Variants in POLR3G observed in about 807,000 individuals in gnomAD.
POLR3G encodes DNA-directed RNA polymerase III subunit RPC7.
POLR3G carries 28 observed loss-of-function variants against 30.1 expected under a neutral mutation model. The ratio of observed to expected loss-of-function variants is 0.93; its 90% CI spans 0.69 to 1.27. The LOEUF (loss-of-function observed/expected upper bound fraction) is 1.27. Ranked by LOEUF, POLR3G falls within the 50% of genes most tolerant of loss-of-function variation. POLR3G has a pLI of 0.00. For synonymous variants in POLR3G, 79 were observed against 82.5 expected (o/e 0.96, Z 0.23); for missense variants, 254 against 264.6 (o/e 0.96, Z 0.28).
chr5:90,474,654 G>C (rs1385472436), upstream of POLR3G: 1 of 299,742 alleles, frequency 3.3e-6, no homozygotes, highest in Non-Finnish European at 6.3e-6. Context: ...GCCACCCCGG[G>C]CGTGTGACAG....
Position 90,485,483 on chromosome 5 carries a change from T to A in POLR3G, c.-43-42T>A. The stretch of plus-strand genomic sequence containing the variant: ...TTATATTTTGCTTTAAAGTGTTGAT[T>A]TCTTTTTTATATGTGATCCAGTAAA... On this transcript the variant is annotated intron_variant, in intron 1 of 7. Transcript: ENST00000651687. 5.1e-6 allele frequency: 5 copies of A among 986,360 alleles called. No individual in the cohort carries two copies. In the South Asian group the frequency reaches 7.7e-5, roughly 15 times the overall value. 61.1% of individuals were successfully genotyped at this position (986,360 alleles called of 1,614,324 possible).
At chr5:90,483,959 A>G (rs1407590130) in intron 1 of POLR3G, among the ~76,000 whole-genome samples, 1 of 152,332 alleles carries the variant, frequency 6.6e-6, no homozygotes, top group East Asian at 1.9e-4. Flanking sequence ...GATGAGATCT[A>G]TGAAGTCCTT....
chr5:90,478,924 T>G (rs1429272325), intron 1 of POLR3G, among the ~76,000 whole-genome samples: 1 of 152,024 alleles, frequency 6.6e-6, no homozygotes, highest in Admixed American at 6.5e-5. Flanking sequence ...CTGATTTTAT[T>G]GTTCTGGGGT....
rs113521141 is a variant in POLR3G, at chr5:90,487,009, G to A, written c.118-991G>A. On this transcript the variant is annotated intron_variant, in intron 2 of 7. Transcript: ENST00000651687. ...AGAAATGTCTTTACTAGGTACCCTGGAGATCCACTTGTTAATGAACATATT... is the reference window on the plus strand; with the variant it reads ...AGAAATGTCTTTACTAGGTACCCTGAAGATCCACTTGTTAATGAACATATT... 3.9e-5 allele frequency among the ~76,000 whole-genome samples: 6 copies of A among 152,228 alleles called. 1 individual carries two copies. The highest frequency in any genetic ancestry group is 1.4e-4 in the African/African-American group (6 of 41,534).
upstream of POLR3G, chr5:90,474,797 A>G (rs1338755114): frequency 1.7e-5 from 3 of 178,494 alleles, no homozygotes; most frequent in African/African-American, 2.4e-5. Context: ...TGCCAAGGGC[A>G]AAAAAACCTC....
Position 90,485,693 on chromosome 5 carries a change from A to G in POLR3G, c.117+9A>G, listed in dbSNP as rs1471006681. 2 of 1,578,896 alleles carry G rather than the reference A, an allele frequency of 1.3e-6. No homozygotes were observed. The highest frequency in any genetic ancestry group is 1.7e-6 in the Non-Finnish European group (2 of 1,150,106). On this transcript the variant is annotated intron_variant, in intron 2 of 7. Coordinates refer to ENST00000651687, the MANE Select transcript of POLR3G (RefSeq NM_006467.3). ...CACCCCCACTATTTCCTGTAAGTAT[A>G]TGAACAGTTGAATTCTCATAGTGTG...
chr5:90,473,956 T>C (rs1231750582), upstream of POLR3G: 10 of 1,601,344 alleles, frequency 6.2e-6, no homozygotes, highest in South Asian at 1.1e-5. Context: ...GTCTCAAAGT[T>C]GTCCCCGCGA....
At chr5:90,495,316 G>C (rs934282247) in intron 3 of POLR3G, among the ~76,000 whole-genome samples, 1 of 152,166 alleles carries the variant, frequency 6.6e-6, no homozygotes, top group African/African-American at 2.4e-5. Context: ...TGTGCTGCTG[G>C]AAAAGAGTTT....
Position 90,495,751 on chromosome 5 carries a change from A to G in POLR3G, c.304+18A>G, listed in dbSNP as rs1358944183. On this transcript the variant is annotated intron_variant, in intron 4 of 7. Transcript: ENST00000651687. ...GATACCAGGTAACTACAAAACACAC[A>G]ATATGAAAACAGTTTTTAAAGGCTG... 1 of 1,582,122 alleles carries G rather than the reference A, an allele frequency of 6.3e-7. No homozygotes were observed. Among genetic ancestry groups the G allele is most frequent in the Admixed American group, 1.8e-5 (1 of 54,262 alleles).
upstream of POLR3G, chr5:90,474,256 C>T: frequency 6.2e-7 from 1 of 1,613,690 alleles, no homozygotes; most frequent in Non-Finnish European, 8.5e-7. Flanking sequence ...ATACCATCGC[C>T]TAGAGACTTG....
In POLR3G at chr5:90,513,196, T is replaced by C. The variant is rs573626089; in HGVS notation, c.*1057T>C. 19 of 152,740 alleles carry C rather than the reference T, an allele frequency of 1.2e-4. No individual in the cohort carries two copies. Among genetic ancestry groups the C allele is most frequent in the African/African-American group, 4.6e-4 (19 of 41,590 alleles). 9.5% of individuals were successfully genotyped at this position (152,740 alleles called of 1,614,324 possible). Reference sequence around the variant, plus strand: ...CCAAAGATTTTCAAGGAAATTCATATTATATATTTCAAAAATGATTTATCA... The same window carrying C: ...CCAAAGATTTTCAAGGAAATTCATACTATATATTTCAAAAATGATTTATCA... On this transcript the variant is annotated 3_prime_UTR_variant, in exon 8 of 8. Coordinates refer to ENST00000651687, the MANE Select transcript of POLR3G (RefSeq NM_006467.3).
intron 6 of POLR3G, among the ~76,000 whole-genome samples, chr5:90,504,963 C>T (rs1258579853): frequency 6.6e-6 from 1 of 152,032 alleles, no homozygotes; most frequent in East Asian, 1.9e-4. Context: ...ATGTCTGTTA[C>T]CTTGGTCTTA....
upstream of POLR3G, chr5:90,474,422 G>C: frequency 1.2e-6 from 1 of 817,724 alleles, no homozygotes; most frequent in Non-Finnish European, 2.0e-6. Flanking sequence ...AGAGCGAGGC[G>C]GGGGCGTGGG....
At chr5:90,474,335 G>T, upstream of POLR3G, 2 of 1,562,262 alleles carry the variant, frequency 1.3e-6, no homozygotes, top group Admixed American at 1.7e-5. Flanking sequence ...GTGGGCGTGC[G>T]AGTCTCCCAC....
chr5:90,477,288 C>T (rs987406601), intron 1 of POLR3G, among the ~76,000 whole-genome samples: 2 of 152,140 alleles, frequency 1.3e-5, no homozygotes, highest in Non-Finnish European at 2.9e-5. Context: ...TTGGCCACAG[C>T]GTGGGGTGCC....
Position 90,512,222 on chromosome 5 carries a change from G to A in POLR3G, c.*83G>A. Reference sequence around the variant, plus strand: ...TTGATTTGTATTTTATTTCTGATAAGGAATAAGTACTTGTTTCTGTTGTTT... The same window carrying A: ...TTGATTTGTATTTTATTTCTGATAAAGAATAAGTACTTGTTTCTGTTGTTT... On this transcript the variant is annotated 3_prime_UTR_variant, in exon 8 of 8. Coordinates refer to ENST00000651687, the MANE Select transcript of POLR3G (RefSeq NM_006467.3). 4.5e-6 allele frequency: 4 copies of A among 891,662 alleles called. No homozygotes were observed. The highest frequency in any genetic ancestry group is 5.5e-6 in the Non-Finnish European group (3 of 548,454). 55.2% of individuals were successfully genotyped at this position (891,662 alleles called of 1,614,324 possible).
chr5:90,486,935 A>G (rs989770200), intron 2 of POLR3G, among the ~76,000 whole-genome samples: 3 of 152,238 alleles, frequency 2.0e-5, no homozygotes, highest in Non-Finnish European at 2.9e-5. Flanking sequence ...GAATGTATAC[A>G]TTCCTAATCA....
intron 7 of POLR3G, among the ~76,000 whole-genome samples, chr5:90,510,917 CTTTCT>C (rs1337509138): frequency 1.3e-5 from 2 of 150,630 alleles, no homozygotes; most frequent in African/African-American, 2.4e-5. Flanking sequence ...TGATAGGAGA[CTTTCT>C]TTTGAGAGTA....
intron 3 of POLR3G, among the ~76,000 whole-genome samples, chr5:90,495,367 G>A (rs1751931995): frequency 1.3e-5 from 2 of 152,194 alleles, no homozygotes. Context: ...AGGTGGACTA[G>A]TCTGAATCAA....
Sources: gnomAD v4.1 joint callset for allele counts (sites outside exome capture counted in the v4.1 genomes callset) on GRCh38, gnomAD v4.1.1 for gene constraint, MANE v1.5 for transcripts, NCBI Gene and HGNC (gene_info 2026-07-23, HGNC 2026-07-21) for gene names.